The following CHD6 variants were observed in gnomAD, a reference collection of about 807,000 sequenced individuals.
CHD6 encodes chromodomain helicase DNA binding protein 6.
Under a neutral mutation model 276.9 loss-of-function variants are expected in CHD6, and 50 were observed. The observed-to-expected ratio is 0.18, with a 90% CI of 0.14 to 0.23. The LOEUF is 0.23. CHD6 is among the 10% of genes least tolerant of loss of function. CHD6 has a pLI of 1.00. For synonymous variants in CHD6, 1,173 were observed against 1,229.3 expected (o/e 0.95, Z 0.96); for missense variants, 2,564 against 3,365.8 (o/e 0.76, Z 5.89).
At chr20:41,417,083 G>T in intron 32 of CHD6, 115 bp downstream of exon 32, 1 of 952,310 alleles carries the variant, frequency 1.1e-6, no homozygotes, top group Non-Finnish European at 1.6e-6. Context: ...ATCTTTTAAA[G>T]GTATTAAACA....
intron 1 of CHD6, among the ~76,000 whole-genome samples, chr20:41,606,632 A>G (rs2045832010): frequency 6.7e-6 from 1 of 150,196 alleles, no homozygotes; most frequent in African/African-American, 2.5e-5. Context: ...CAGAGATCGC[A>G]CCACTGCACT....
At chr20:41,440,226 C>T in intron 25 of CHD6, 97 bp from the exon 26 acceptor site, 1 of 1,062,556 alleles carries the variant, frequency 9.4e-7, no homozygotes, top group Non-Finnish European at 1.4e-6. Context: ...TAGTAAAGAA[C>T]AAAACAAACA....
At chr20:41,590,368 A>T (rs1157231104) in intron 1 of CHD6, among the ~76,000 whole-genome samples, 6 of 152,260 alleles carry the variant, frequency 3.9e-5, no homozygotes, top group Admixed American at 1.3e-4. Flanking sequence ...ACAAATGGGA[A>T]GTAATTAAAC....
intron 1 of CHD6, among the ~76,000 whole-genome samples, chr20:41,574,773 A>G (rs1177795253): frequency 1.3e-5 from 2 of 152,202 alleles, no homozygotes; most frequent in Non-Finnish European, 2.9e-5. Context: ...GAGAACCAAG[A>G]AAAAGAGTTT....
At position 41,417,247 on chromosome 20, in the gene CHD6, G is replaced by A. The variant is rs142539953; in HGVS notation, c.6230C>T (p.Ala2077Val). 7.4e-6 allele frequency: 12 copies of A among 1,614,028 alleles called. No homozygotes were observed. Among genetic ancestry groups the A allele is most frequent in the Middle Eastern group, 1.6e-4 (1 of 6,082 alleles). ...GAGAGTTTTCTCCTGTAGCAGCTGA[G>A]CAATAGTGGGAGCTCGAGCCTCCTG... ...ELQEARAPTI[A>V]QLLQEKTLYS... is the part of the protein sequence containing the mutation. The change falls in exon 32 of 37, where the codon GCT becomes GTT. Residue 2077 changes from alanine (A) to valine (V), a missense_variant. Ala to Val is a moderately conservative substitution (Grantham distance 64). Coordinates refer to ENST00000373233, the MANE Select transcript of CHD6 (RefSeq NM_032221.5).
chr20:41,488,506 G>A lies in CHD6; in HGVS notation c.1779C>T (p.Ser593=). 2 of 1,613,880 alleles carry A rather than the reference G, an allele frequency of 1.2e-6. No individual in the cohort carries two copies. Among genetic ancestry groups the A allele is most frequent in the Non-Finnish European group, 1.7e-6 (2 of 1,179,816 alleles). Residue 593 remains serine, a synonymous_variant, in exon 13 of 37, where the codon AGC becomes AGT. Coordinates refer to ENST00000373233, the MANE Select transcript of CHD6 (RefSeq NM_032221.5). The part of the protein sequence containing the change: ...DCPELKKIHW[S]CVIIDEAHRL... ...TGTGGGCTTCATCAATTATCACACA[G>A]CTCCAGTGAATCTTCTTCAACTCTG...
intron 14 of CHD6, among the ~76,000 whole-genome samples, chr20:41,486,486 C>T (rs558648047): frequency 6.6e-6 from 1 of 152,184 alleles, no homozygotes; most frequent in African/African-American, 2.4e-5. Flanking sequence ...TTTGATTATT[C>T]ACTGCTCTGA....
rs1423534719 is a variant in CHD6, at chr20:41,460,564, G to A, written c.2665-3136C>T. Among the ~76,000 whole-genome samples, 3 of 152,254 alleles carry A rather than the reference G, an allele frequency of 2.0e-5. No individual in the cohort carries two copies. The East Asian group carries it at 5.8e-4, about 29-fold the overall frequency. On this transcript the variant is annotated intron_variant, in intron 17 of 36. Coordinates refer to ENST00000373233, the MANE Select transcript of CHD6 (RefSeq NM_032221.5). The stretch of plus-strand genomic sequence containing the variant: ...AAGGGGCCAATGTACAGCTCAGGCT[G>A]TGGCTTCAGAGGGTGAAAGCACCAA...
intron 11 of CHD6, 76 bp downstream of exon 11, chr20:41,491,622 G>A (rs922450533): frequency 6.4e-7 from 1 of 1,568,088 alleles, no homozygotes; most frequent in Non-Finnish European, 8.8e-7. Flanking sequence ...GTCTGCTACT[G>A]CGACTCTAGG....
At chr20:41,609,974 A>C (rs966577471) in intron 1 of CHD6, among the ~76,000 whole-genome samples, 2 of 147,790 alleles carry the variant, frequency 1.4e-5, no homozygotes, top group Admixed American at 7.0e-5. Flanking sequence ...CTCCTGCCTC[A>C]GCCTCCCAAG....
chr20:41,571,881 C>G (rs1227128426), intron 1 of CHD6, among the ~76,000 whole-genome samples: 5 of 152,140 alleles, frequency 3.3e-5, no homozygotes, highest in Non-Finnish European at 7.3e-5. Context: ...TAACCAGCAT[C>G]CCCATCCAGA....
At chr20:41,511,904 C>T (rs1227486889) in intron 5 of CHD6, among the ~76,000 whole-genome samples, 1 of 152,136 alleles carries the variant, frequency 6.6e-6, no homozygotes, top group Admixed American at 6.5e-5. Context: ...AATTAGAGTT[C>T]CAACAGTAAT....
intron 1 of CHD6, among the ~76,000 whole-genome samples, chr20:41,613,446 C>T (rs1244820098): frequency 6.6e-6 from 1 of 152,226 alleles, no homozygotes; most frequent in Non-Finnish European, 1.5e-5. Flanking sequence ...ATGTCTCCCA[C>T]TCCAACCTTT....
intron 3 of CHD6, among the ~76,000 whole-genome samples, chr20:41,521,555 A>G (rs1025575883): frequency 5.7e-4 from 86 of 152,174 alleles, no homozygotes; most frequent in African/African-American, 2.0e-3. Flanking sequence ...CACATATAAT[A>G]TGTGTGTAGA....
At position 41,522,669 on chromosome 20, in the gene CHD6, T is replaced by C. The variant is rs538929062; in HGVS notation, c.555-7717A>G. On this transcript the variant is annotated intron_variant, in intron 3 of 36. Transcript: ENST00000373233. ...GCGCACGCGTGCGCGCACACACACATACATAAATAGATATTTATTGAAATA... is the reference window on the plus strand; with the variant it reads ...GCGCACGCGTGCGCGCACACACACACACATAAATAGATATTTATTGAAATA... Among the ~76,000 whole-genome samples, 3 of 151,806 alleles carry C rather than the reference T, an allele frequency of 2.0e-5. 1 individual carries two copies. In the South Asian group the frequency reaches 6.2e-4, roughly 32 times the overall value.
intron 17 of CHD6, 135 bp from the exon 18 acceptor site, chr20:41,457,563 G>T: frequency 9.3e-7 from 1 of 1,079,948 alleles, no homozygotes; most frequent in Non-Finnish European, 1.3e-6. Flanking sequence ...ACTGATTTCA[G>T]AACAGAATTT....
intron 3 of CHD6, among the ~76,000 whole-genome samples, chr20:41,521,647 C>CT (rs1481903130): frequency 2.6e-5 from 4 of 152,052 alleles, no homozygotes; most frequent in Admixed American, 1.3e-4. Context: ...CAGAAAGGGC[C>CT]TAAGAGCAAA....
rs1279732148 is a variant in CHD6, at chr20:41,541,790, C to T, written c.34-8220G>A. On this transcript the variant is annotated intron_variant, in intron 2 of 36. Coordinates refer to ENST00000373233, the MANE Select transcript of CHD6 (RefSeq NM_032221.5). ...ATTTGGTAATGTCATTTTTTCAAAA[C>T]CTTTCCACCCCCAAATACTTGACTC... Among the ~76,000 whole-genome samples, 5 of 152,142 alleles carry T rather than the reference C, an allele frequency of 3.3e-5. No individual in the cohort carries two copies. The East Asian group carries it at 9.6e-4, about 29-fold the overall frequency.
At chr20:41,497,130 GC>G in intron 8 of CHD6, 1 of 426,816 alleles carries the variant, frequency 2.3e-6, no homozygotes, top group Non-Finnish European at 4.3e-6. Context: ...TCTCACTCTA[GC>G]TATTTATTAG....
Sources: gnomAD v4.1 joint callset for allele counts (sites outside exome capture counted in the v4.1 genomes callset) on GRCh38, gnomAD v4.1.1 for gene constraint, MANE v1.5 for transcripts, NCBI Gene and HGNC (gene_info 2026-07-23, HGNC 2026-07-21) for gene names.